Variants in ZNF385D observed in about 807,000 individuals in gnomAD.
ZNF385D encodes zinc finger protein 385D.
A neutral mutation model predicts 35.8 loss-of-function variants in ZNF385D; 15 were observed. The ratio of observed to expected loss-of-function variants is 0.42; its 90% CI spans 0.28 to 0.64. The LOEUF (loss-of-function observed/expected upper bound fraction) is 0.64, where lower values mean the gene tolerates loss of function less well. Among genes scored for constraint, ZNF385D ranks in the 30% least tolerant of loss-of-function variants. The pLI, the probability that ZNF385D is intolerant of heterozygous loss-of-function variation, is 0.23. For synonymous variants in ZNF385D, 212 were observed against 186.8 expected (o/e 1.13, Z -1.10); for missense variants, 474 against 494.6 (o/e 0.96, Z 0.39).
At chr3:21,947,711 T>C (rs1701862655) in intron 3 of ZNF385D, among the ~76,000 whole-genome samples, 1 of 152,306 alleles carries the variant, frequency 6.6e-6, no homozygotes, top group East Asian at 1.9e-4. Flanking sequence ...TCTCTATATG[T>C]ATTAATCCAT....
At chr3:21,971,780 G>A (rs751573204) in intron 3 of ZNF385D, among the ~76,000 whole-genome samples, 8 of 151,464 alleles carry the variant, frequency 5.3e-5, no homozygotes, top group Non-Finnish European at 8.9e-5. Flanking sequence ...AAGATATTTC[G>A]TGCCACTGAA....
chr3:22,352,782 C>G (rs1485834199), intron 2 of ZNF385D, among the ~76,000 whole-genome samples: 1 of 152,124 alleles, frequency 6.6e-6, no homozygotes, highest in Non-Finnish European at 1.5e-5. Context: ...ACAACTATTA[C>G]GTGTTTTCTG....
intron 3 of ZNF385D, among the ~76,000 whole-genome samples, chr3:21,958,528 T>C (rs1422737652): frequency 6.6e-6 from 1 of 152,138 alleles, no homozygotes; most frequent in East Asian, 1.9e-4. Flanking sequence ...ATTTTGTTGA[T>C]ATCACTCTTA....
chr3:21,592,439 A>C (rs1040768024), intron 2 of ZNF385D, among the ~76,000 whole-genome samples: 1 of 151,762 alleles, frequency 6.6e-6, no homozygotes, highest in Non-Finnish European at 1.5e-5. Context: ...ACAGATGGCA[A>C]TATATTGATG....
rs143496768 is a variant in ZNF385D at position 21,938,889 on chromosome 3, A to C, written c.325+229928T>G. Among the ~76,000 whole-genome samples, 402 of 152,292 alleles carry C rather than the reference A, an allele frequency of 2.6e-3. 1 individual carries two copies. The highest frequency in any genetic ancestry group is 4.5e-3 in the Non-Finnish European group (303 of 68,022). The stretch of plus-strand genomic sequence containing the variant: ...ACTTTAATTTTATTCGTTACTTTGC[A>C]ATTTAGTATATAAGTGTATTCTTCA... On this transcript the variant is annotated intron_variant, in intron 3 of 5. Coordinates refer to the ZNF385D transcript ENST00000494108.
At chr3:21,813,554 T>C (rs760322154) in intron 3 of ZNF385D, among the ~76,000 whole-genome samples, 4 of 152,248 alleles carry the variant, frequency 2.6e-5, no homozygotes, top group Middle Eastern at 3.4e-3. Context: ...ATGCGACTCA[T>C]GCACAAGCTT....
chr3:22,306,307 G>T (rs566472929), intron 2 of ZNF385D, among the ~76,000 whole-genome samples: 11 of 151,790 alleles, frequency 7.2e-5, no homozygotes, highest in Non-Finnish European at 1.6e-4. Flanking sequence ...TATAAAATAG[G>T]GTAAACCTTT....
intron 3 of ZNF385D, among the ~76,000 whole-genome samples, chr3:21,904,252 C>T (rs1375740063): frequency 3.6e-5 from 5 of 137,942 alleles, no homozygotes; most frequent in Non-Finnish European, 6.1e-5. Context: ...TGCAGTGAGC[C>T]GAGATCATGC....
At chr3:22,236,879 G>A (rs1699215610) in intron 2 of ZNF385D, among the ~76,000 whole-genome samples, 1 of 152,058 alleles carries the variant, frequency 6.6e-6, no homozygotes, top group Non-Finnish European at 1.5e-5. Flanking sequence ...TTGATTTATG[G>A]TTGAATAATA....
chr3:22,332,012 G>A (rs1204638685), intron 2 of ZNF385D, among the ~76,000 whole-genome samples: 1 of 152,074 alleles, frequency 6.6e-6, no homozygotes, highest in East Asian at 1.9e-4. Context: ...TAGAAGAATA[G>A]TATAGAAAAT....
intron 2 of ZNF385D, among the ~76,000 whole-genome samples, chr3:21,641,758 G>A (rs1275005464): frequency 6.6e-6 from 1 of 151,256 alleles, no homozygotes; most frequent in African/African-American, 2.4e-5. Flanking sequence ...ATACAGGAGA[G>A]ACAAAGAAAT....
intron 3 of ZNF385D, among the ~76,000 whole-genome samples, chr3:21,879,487 G>C (rs182821499): frequency 1.1e-4 from 16 of 152,090 alleles, no homozygotes; most frequent in African/African-American, 3.9e-4. Context: ...TCTTGAAGTG[G>C]TGTAGGCTTT....
chr3:21,515,956 G>A (rs1298784035), intron 3 of ZNF385D, among the ~76,000 whole-genome samples: 1 of 152,108 alleles, frequency 6.6e-6, no homozygotes, highest in African/African-American at 2.4e-5. Flanking sequence ...ACCTAAAGTT[G>A]GTCTTTTGAG....
At chr3:21,796,329 A>C (rs192431837) in intron 3 of ZNF385D, among the ~76,000 whole-genome samples, 3 of 152,316 alleles carry the variant, frequency 2.0e-5, no homozygotes, top group Non-Finnish European at 4.4e-5. Context: ...CCCAACAAGA[A>C]CACCACAAGA....
Position 21,751,111 on chromosome 3 carries a change from C to G in ZNF385D, c.-195G>C. 1.4e-6 allele frequency: 2 copies of G among 1,469,636 alleles called. No individual in the cohort carries two copies. The highest frequency in any genetic ancestry group is 2.8e-5 in the South Asian group (2 of 70,238). 91.0% of individuals were successfully genotyped at this position (1,469,636 alleles called of 1,614,324 possible). A position where few individuals can be genotyped will look rare whatever the true frequency, so the allele number is the denominator to read the frequency against. ...GCCTTTCCAGGGCTAAGATCCCCGGCGGCTGGAGAGTGCGCTCGGGCTGCC... is the reference window on the plus strand; with the variant it reads ...GCCTTTCCAGGGCTAAGATCCCCGGGGGCTGGAGAGTGCGCTCGGGCTGCC... On this transcript the variant is annotated 5_prime_UTR_variant, in exon 1 of 8. Coordinates refer to ENST00000281523, the MANE Select transcript of ZNF385D (RefSeq NM_024697.3).
chr3:21,686,465 T>C (rs748200230), intron 1 of ZNF385D, among the ~76,000 whole-genome samples: 14 of 152,324 alleles, frequency 9.2e-5, no homozygotes, highest in Middle Eastern at 3.4e-3. Context: ...ATGTGAGCCA[T>C]AGAAATGAGT....
chr3:21,767,635 G>A (rs770509252), intron 3 of ZNF385D, among the ~76,000 whole-genome samples: 1 of 151,908 alleles, frequency 6.6e-6, no homozygotes, highest in Non-Finnish European at 1.5e-5. Flanking sequence ...GTGGGTGGAT[G>A]GATGAATGAA....
intron 3 of ZNF385D, among the ~76,000 whole-genome samples, chr3:21,857,459 G>A (rs1489304976): frequency 2.6e-5 from 4 of 151,988 alleles, no homozygotes; most frequent in African/African-American, 7.2e-5. Flanking sequence ...TGTTCCTACA[G>A]GGAGTACACA....
In ZNF385D at chr3:22,152,109, G is replaced by A. The variant is rs547991536; in HGVS notation, c.325+16708C>T. Among the ~76,000 whole-genome samples the A allele has an allele frequency of 9.9e-5, 15 of 152,076 alleles. No homozygotes were observed. In the South Asian group the frequency reaches 2.9e-3, roughly 29 times the overall value. On this transcript the variant is annotated intron_variant, in intron 3 of 5. Transcript: ENST00000494108. ...TTCTAAGTGAGAACACAGGTTTTTG[G>A]TTTTCTGTTCCTGCATTAGTATGCT...
Sources: gnomAD v4.1 joint callset for allele counts (sites outside exome capture counted in the v4.1 genomes callset) on GRCh38, gnomAD v4.1.1 for gene constraint, MANE v1.5 for transcripts, NCBI Gene and HGNC (gene_info 2026-07-23, HGNC 2026-07-21) for gene names.